The following VWF variants were observed in gnomAD, a reference collection of about 807,000 sequenced individuals.
The protein encoded by VWF is Factor VIII related antigen.
VWF carries 176 observed loss-of-function variants against 308.6 expected under a neutral mutation model. The observed-to-expected ratio is 0.57, with a 90% CI of 0.50 to 0.65. VWF has a LOEUF of 0.65. Ranked by LOEUF, VWF falls within the 30% of genes least tolerant of loss-of-function variation. The pLI is 0.00. For missense variants in VWF, 3,146 were observed against 3,648.2 expected, an observed-to-expected ratio of 0.86 and a Z score of 3.55; for synonymous variants, 1,385 against 1,443.4, an observed-to-expected ratio of 0.96 and a Z score of 0.92.
At position 6,110,370 on chromosome 12, in the gene VWF, T is replaced by TTACCTTCTTGGGTCA. The variant is rs1015094997; in HGVS notation, c.521_532+3dup. 1 of 1,614,060 alleles carries TTACCTTCTTGGGTCA rather than the reference T, an allele frequency of 6.2e-7. No homozygotes were observed. Among genetic ancestry groups the TTACCTTCTTGGGTCA allele is most frequent in the Non-Finnish European group, 8.5e-7 (1 of 1,179,904 alleles). On this transcript the variant is annotated splice_donor_region_variant and intron_variant, in intron 5 of 51. Coordinates refer to ENST00000261405, the MANE Select transcript of VWF (RefSeq NM_000552.5). ...TAGGGAAATGGTATCCCAGAACATCTTACCTTCTTGGGTCATAAAGTCATC... is the reference window on the plus strand; with the variant it reads ...TAGGGAAATGGTATCCCAGAACATCTTACCTTCTTGGGTCATACCTTCTTGGGTCATAAAGTCATC...
At chr12:6,047,772 C>T (rs574341295) in intron 16 of VWF, among the ~76,000 whole-genome samples, 3 of 152,240 alleles carry the variant, frequency 2.0e-5, no homozygotes, top group African/African-American at 4.8e-5. Flanking sequence ...TGTGAAGACA[C>T]GGACCACTTG....
chr12:5,996,302 C>T (rs1943808376), intron 34 of VWF, 80 bp from the exon 35 acceptor site: 2 of 1,282,568 alleles, frequency 1.6e-6, no homozygotes, highest in Non-Finnish European at 2.2e-6. Flanking sequence ...CAGGTGTGAC[C>T]AAGTTGCACA....
At chr12:6,025,820 C>A (rs1051133118) in intron 23 of VWF, 86 bp downstream of exon 23, 2 of 1,609,202 alleles carry the variant, frequency 1.2e-6, no homozygotes, top group African/African-American at 1.3e-5. Flanking sequence ...CCACAACCCC[C>A]CTTCCAGCCC....
At chr12:6,074,837 G>A (rs567530334) in intron 7 of VWF, among the ~76,000 whole-genome samples, 16 of 152,312 alleles carry the variant, frequency 1.1e-4, no homozygotes, top group African/African-American at 3.6e-4. Flanking sequence ...CACACAGCAC[G>A]AGTAAGGCAG....
rs569984866 is a variant in VWF, at chr12:6,057,077, G to A, written c.1730-5C>T. 461 of 1,533,938 alleles carry A rather than the reference G, an allele frequency of 3.0e-4. 1 individual carries two copies. In the South Asian group the frequency reaches 5.2e-3, roughly 17 times the overall value. On this transcript the variant is annotated splice_polypyrimidine_tract_variant and splice_region_variant and intron_variant, in intron 14 of 51. Transcript: ENST00000261405. ...ACGCCTCCTCGGAGAACCTGGCTGT[G>A]GGGCGAGAGGAGCGAGCCTGGGATG...
intron 6 of VWF, among the ~76,000 whole-genome samples, chr12:6,087,544 G>T (rs3782712): frequency 0.1 from 12,738 of 127,038 alleles, 1,036 homozygotes; most frequent in East Asian, 0.32. Context: ...TTTTTGTATT[G>T]TTAGTAGAGA....
rs1383385354 is a variant in VWF, at chr12:6,075,583, C to T, written c.658-32G>A. On this transcript the variant is annotated intron_variant, in intron 6 of 51. Transcript: ENST00000261405. The surrounding 1 kb of genome is among the most constrained non-coding windows in gnomAD (Gnocchi z 4.7). ...GAAGAGGGGCCGCCTCAGCGGTATG[C>T]TCCGTTAGTGTCTCCCTGAGTGTGG... 6.3e-7 allele frequency: 1 copy of T among 1,597,740 alleles called. No individual in the cohort carries two copies. Among genetic ancestry groups the T allele is most frequent in the Non-Finnish European group, 8.5e-7 (1 of 1,171,872 alleles).
intron 9 of VWF, among the ~76,000 whole-genome samples, chr12:6,071,605 T>C (rs1944783458): frequency 6.6e-6 from 1 of 152,100 alleles, no homozygotes; most frequent in South Asian, 2.1e-4. Context: ...CTGATCCCCC[T>C]GAAAATCTAC....
Position 6,015,781 on chromosome 12 carries a change from C to T in VWF, c.5455+308G>A, listed in dbSNP as rs558369483. Among the ~76,000 whole-genome samples the T allele has an allele frequency of 2.6e-5, 4 of 152,230 alleles. No homozygotes were observed. In the East Asian group the frequency reaches 5.8e-4, roughly 22 times the overall value. The stretch of plus-strand genomic sequence containing the variant: ...GACATGACATTTTAGTAAGAGACCA[C>T]GAATCCTACTTTAGAAAGAAAGGGC... On this transcript the variant is annotated intron_variant, in intron 31 of 51. Transcript: ENST00000261405.
chr12:6,098,593 A>G (rs776287929), intron 5 of VWF, among the ~76,000 whole-genome samples: 1 of 152,112 alleles, frequency 6.6e-6, no homozygotes, highest in African/African-American at 2.4e-5. Flanking sequence ...CCTGGCTAAC[A>G]TGGTGAAACC....
At chr12:6,106,875 CAAA>C (rs201177758) in intron 5 of VWF, among the ~76,000 whole-genome samples, 47 of 34,798 alleles carry the variant, frequency 1.4e-3, no homozygotes, top group African/African-American at 4.5e-3. Flanking sequence ...AACTCCGACT[CAAA>C]AAAAAAAAAA....
intron 6 of VWF, among the ~76,000 whole-genome samples, chr12:6,092,634 T>A (rs142695490): frequency 0.21 from 16,908 of 78,798 alleles, 1,400 homozygotes; most frequent in Middle Eastern, 0.28. Flanking sequence ...TGTGTGTGTG[T>A]GTGTGTGTGT....
chr12:6,047,170 C>A (rs554548477), intron 16 of VWF, among the ~76,000 whole-genome samples: 1 of 152,264 alleles, frequency 6.6e-6, no homozygotes, highest in South Asian at 2.1e-4. Flanking sequence ...CTTTCAATAT[C>A]GGCCTTCCCC....
chr12:6,100,638 A>C (rs1176865885), intron 5 of VWF, among the ~76,000 whole-genome samples: 2 of 152,184 alleles, frequency 1.3e-5, no homozygotes, highest in African/African-American at 2.4e-5. Flanking sequence ...AAACTATTGC[A>C]AGGACAAAAA....
rs748565065 is a variant in VWF, at chr12:5,991,197, ACACACACACG to A, written c.6798+612_6798+621del. Among the ~76,000 whole-genome samples, 1,307 of 138,918 alleles carry A rather than the reference ACACACACACG, an allele frequency of 9.4e-3. 11 individuals are homozygous for A. The highest frequency in any genetic ancestry group is 0.015 in the Non-Finnish European group (975 of 63,080). 91.1% of individuals were successfully genotyped at this position (138,918 alleles called of 152,430 possible). ...CACACACACACACACACACACACAC[ACACACACACG>A]CATGCACACACACGCTCCATGATCA... On this transcript the variant is annotated intron_variant, in intron 38 of 51. Transcript: ENST00000261405.
At chr12:6,057,525 A>ATTATTATTT (rs1841339633) in intron 14 of VWF, among the ~76,000 whole-genome samples, 1 of 138,506 alleles carries the variant, frequency 7.2e-6, no homozygotes, top group South Asian at 2.3e-4. Flanking sequence ...TATTATTATT[A>ATTATTATTT]TTTTAATAGA....
rs1565391190 is a variant in VWF, at chr12:6,103,483, CAT to C, written c.532+6889_532+6890del. On this transcript the variant is annotated intron_variant, in intron 5 of 51. Coordinates refer to ENST00000261405, the MANE Select transcript of VWF (RefSeq NM_000552.5). ...GTATATACACATATGTGTGTATATA[CAT>C]ATATGTGTATACACACACGTATATA... is the stretch of plus-strand genomic sequence containing the variant. 2.0e-4 allele frequency among the ~76,000 whole-genome samples: 21 copies of C among 106,162 alleles called. 1 individual carries two copies. The highest frequency in any genetic ancestry group is 6.9e-4 in the East Asian group (3 of 4,320). The allele number at this position is 106,162 out of a possible 152,430, so 69.6% of individuals were successfully genotyped here. A position where few individuals can be genotyped will look rare whatever the true frequency, so the allele number is the denominator to read the frequency against.
chr12:6,110,172 G>A (rs1945290534), intron 5 of VWF, among the ~76,000 whole-genome samples: 1 of 152,184 alleles, frequency 6.6e-6, no homozygotes, highest in South Asian at 2.1e-4. Context: ...AACGAAGTCA[G>A]CTTTGAGGAG....
intron 2 of VWF, 48 bp downstream of exon 2, chr12:6,123,094 A>G: frequency 6.2e-7 from 1 of 1,611,516 alleles, no homozygotes; most frequent in Non-Finnish European, 8.5e-7. Flanking sequence ...GTGTCACTCC[A>G]GATGGCCCTG....
Sources: gnomAD v4.1 joint callset for allele counts (sites outside exome capture counted in the v4.1 genomes callset) on GRCh38, gnomAD v4.1.1 for gene constraint, Gnocchi (gnomAD v3.1) non-coding constraint, MANE v1.5 for transcripts, NCBI Gene and HGNC (gene_info 2026-07-23, HGNC 2026-07-21) for gene names.